The following NOL11 variants were observed in gnomAD, a reference collection of about 807,000 sequenced individuals.
NOL11 encodes the protein nucleolar protein 11.
In NOL11, 42 loss-of-function variants were observed where a neutral mutation model predicts 93.0. The observed-to-expected ratio is 0.45, with a 90% CI of 0.35 to 0.58. The LOEUF (loss-of-function observed/expected upper bound fraction) is 0.58. NOL11 is among the 20% of genes least tolerant of loss of function. NOL11 has a pLI of 0.00. For synonymous variants in NOL11, 296 were observed against 293.7 expected (o/e 1.01, Z -0.08); for missense variants, 775 against 841.8 (o/e 0.92, Z 0.98).
chr17:67,737,207 A>G (rs905483282), intron 11 of NOL11, 62 bp downstream of exon 11: 2 of 976,496 alleles, frequency 2.0e-6, no homozygotes, highest in Non-Finnish European at 3.3e-6. Flanking sequence ...AATCGCATCT[A>G]CTCTTCGTTC....
In NOL11 at chr17:67,717,965, A is replaced by T. The variant is rs201563517; in HGVS notation, c.18A>T (p.Glu6Asp). The change falls in exon 1 of 18, where the codon GAA (glutamate) becomes GAT (aspartate). Residue 6 changes from glutamate (E) to aspartate (D), a missense_variant. Physicochemically the swap from Glu to Asp is conservative, Grantham distance 45. This residue lies in a region of NOL11 where 359 missense variants were observed against 316.5 expected (regional missense o/e 1.13). Coordinates refer to ENST00000253247, the MANE Select transcript of NOL11 (RefSeq NM_015462.5). MAALE[E>D]EFTLSSVVLS... is the part of the protein sequence containing the mutation. ...TGCTCAAAATGGCAGCGCTGGAGGA[A>T]GAATTCACGTTGTCTTCGGTAGTCC... The T allele has an allele frequency of 3.9e-5, 63 of 1,614,176 alleles. 2 individuals carry two copies. In the South Asian group the frequency reaches 6.3e-4, roughly 16 times the overall value.
intron 6 of NOL11, among the ~76,000 whole-genome samples, 163 bp downstream of exon 6, chr17:67,724,356 CAG>C (rs2055067685): frequency 1.6e-5 from 2 of 128,254 alleles, no homozygotes; most frequent in African/African-American, 3.0e-5. Context: ...TTTTTTGAGA[CAG>C]AGTCTCGCTC....
chr17:67,729,054 G>A (rs1175886602), intron 7 of NOL11, among the ~76,000 whole-genome samples: 1 of 151,262 alleles, frequency 6.6e-6, no homozygotes, highest in Non-Finnish European at 1.5e-5. Context: ...GGAGTCACTG[G>A]TGTTCGTTGT....
At position 67,743,772 on chromosome 17, in the gene NOL11, T is replaced by G. The variant is rs1288744246; in HGVS notation, c.2073T>G (p.Ile691Met). ...QISVYSELNK[I>M]EVSFRELQKL... Reference sequence around the variant, plus strand: ...CTGTTTATTCTGAGCTCAACAAGATTGAAGTAAGTTTTCGGGAGCTACAGA... The same window carrying G: ...CTGTTTATTCTGAGCTCAACAAGATGGAAGTAAGTTTTCGGGAGCTACAGA... The change falls in exon 18 of 18, where the codon ATT becomes ATG. Residue 691 changes from isoleucine to methionine, a missense_variant. By Grantham distance (10) the Ile-to-Met change is conservative. Around this residue, in one of 2 missense-constraint regions of NOL11, gnomAD observed 416 missense variants for 525.2 expected, o/e 0.79. Coordinates refer to ENST00000253247, the MANE Select transcript of NOL11 (RefSeq NM_015462.5). The G allele has an allele frequency of 3.2e-6, 5 of 1,543,264 alleles. No homozygotes were observed. The Admixed American group carries it at 7.0e-5, about 21-fold the overall frequency.
At position 67,735,860 on chromosome 17, in the gene NOL11, G is replaced by T. The variant is rs755505703; in HGVS notation, c.931-40G>T. ...CTTTATTGAGTCATACCTTAGAAGA[G>T]AAAAAAATTTGCTTATGTTTTTGAT... On this transcript the variant is annotated intron_variant, in intron 8 of 17. Coordinates refer to ENST00000253247, the MANE Select transcript of NOL11 (RefSeq NM_015462.5). 7 of 1,573,260 alleles carry T rather than the reference G, an allele frequency of 4.4e-6. No homozygotes were observed. In the South Asian group the frequency reaches 6.9e-5, roughly 15 times the overall value.
At position 67,744,437 on chromosome 17, in the gene NOL11, T is replaced by A. The variant is rs2143154599; in HGVS notation, c.*578T>A. The A allele has an allele frequency of 6.6e-6, 1 of 152,376 alleles. No homozygotes were observed. Among genetic ancestry groups the A allele is most frequent in the South Asian group, 2.1e-4 (1 of 4,834 alleles). The allele number at this position is 152,376 out of a possible 1,614,324, so 9.4% of individuals were successfully genotyped here. On this transcript the variant is annotated 3_prime_UTR_variant, in exon 18 of 18. Coordinates refer to ENST00000253247, the MANE Select transcript of NOL11 (RefSeq NM_015462.5). ...TACAGAAAGAATCCTGATGGCTGAA[T>A]TTACCTTGCAGTAGTGAAAAGCTGC...
Position 67,743,885 on chromosome 17 carries a change from T to A in NOL11, c.*26T>A. On this transcript the variant is annotated 3_prime_UTR_variant, in exon 18 of 18. Coordinates refer to ENST00000253247, the MANE Select transcript of NOL11 (RefSeq NM_015462.5). ...TATTATCAATTCTCCTTCATAGACATTTTATAAAGCTCTTTTATGTGAACT... is the reference window on the plus strand; with the variant it reads ...TATTATCAATTCTCCTTCATAGACAATTTATAAAGCTCTTTTATGTGAACT... 1 of 1,143,706 alleles carries A rather than the reference T, an allele frequency of 8.7e-7. No homozygotes were observed. 70.8% of individuals were successfully genotyped at this position (1,143,706 alleles called of 1,614,324 possible). A position where few individuals can be genotyped will look rare whatever the true frequency, so the allele number is the denominator to read the frequency against.
intron 12 of NOL11, 70 bp from the exon 13 acceptor site, chr17:67,737,777 A>G (rs2055216290): frequency 6.3e-7 from 1 of 1,580,072 alleles, no homozygotes; most frequent in Admixed American, 1.9e-5. Flanking sequence ...AACTCTCAAA[A>G]GGCTTATAAA....
At chr17:67,719,137 G>T (rs892400218) in intron 1 of NOL11, 2 of 152,080 alleles carry the variant, frequency 1.3e-5, no homozygotes, top group African/African-American at 4.8e-5. Flanking sequence ...GGTGGTTCAC[G>T]CCTGTAATCC....
intron 14 of NOL11, chr17:67,738,642 G>A (rs973248951): frequency 2.8e-5 from 13 of 460,932 alleles, no homozygotes; most frequent in Non-Finnish European, 4.9e-5. Flanking sequence ...GACCAGCCTG[G>A]GCAACATGGC....
intron 7 of NOL11, among the ~76,000 whole-genome samples, chr17:67,729,716 A>T (rs1490195206): frequency 2.6e-5 from 4 of 151,310 alleles, no homozygotes; most frequent in Non-Finnish European, 5.9e-5. Context: ...GTAGCTGGGA[A>T]TACAGGCGCC....
At chr17:67,728,139 A>G (rs1322780141) in intron 7 of NOL11, among the ~76,000 whole-genome samples, 4 of 152,106 alleles carry the variant, frequency 2.6e-5, no homozygotes, top group Non-Finnish European at 5.9e-5. Context: ...GGGCACCTGC[A>G]GTCCCAGCTA....
At chr17:67,731,046 C>T (rs957877136) in intron 7 of NOL11, among the ~76,000 whole-genome samples, 6 of 152,172 alleles carry the variant, frequency 3.9e-5, no homozygotes, top group Non-Finnish European at 5.9e-5. Flanking sequence ...TTTTCATATG[C>T]TCATTGTCTA....
chr17:67,722,518 A>C, intron 4 of NOL11, 62 bp from the exon 5 acceptor site: 1 of 1,528,978 alleles, frequency 6.5e-7, no homozygotes, highest in Non-Finnish European at 8.7e-7. Context: ...ATTTTGATTG[A>C]TATGTGTCTC....
At chr17:67,739,424 ATTGAACAT>A (rs757175098) in intron 15 of NOL11, 84 bp from the exon 16 acceptor site, 2 of 724,906 alleles carry the variant, frequency 2.8e-6, no homozygotes, top group Non-Finnish European at 4.6e-6. Context: ...TGATGTATAA[ATTGAACAT>A]TTTTTTCAAT....
At chr17:67,740,448 A>G (rs942708585) in intron 16 of NOL11, among the ~76,000 whole-genome samples, 2 of 151,812 alleles carry the variant, frequency 1.3e-5, no homozygotes, top group African/African-American at 4.8e-5. Flanking sequence ...CGTCTCTACT[A>G]AAAATACAAA....
chr17:67,735,866 A>C (rs1424136283), intron 8 of NOL11, 34 bp from the exon 9 acceptor site: 1 of 1,586,604 alleles, frequency 6.3e-7, no homozygotes, highest in African/African-American at 1.4e-5. Context: ...AAGAGAAAAA[A>C]ATTTGCTTAT....
At chr17:67,719,832 A>G (rs760569495) in intron 2 of NOL11, 45 bp downstream of exon 2, 5 of 1,470,110 alleles carry the variant, frequency 3.4e-6, no homozygotes, top group Non-Finnish European at 4.6e-6. Context: ...ATAAATGTTG[A>G]TTATTAACTA....
chr17:67,721,706 CAT>C (rs1366107519), intron 4 of NOL11, among the ~76,000 whole-genome samples, 180 bp downstream of exon 4: 1 of 152,108 alleles, frequency 6.6e-6, no homozygotes, highest in Non-Finnish European at 1.5e-5. Context: ...TTGAAGAAAC[CAT>C]AGAGTCATAT....
Sources: gnomAD v4.1 joint callset for allele counts (sites outside exome capture counted in the v4.1 genomes callset) on GRCh38, gnomAD v4.1.1 for gene constraint, gnomAD v4.1.1 regional missense constraint, MANE v1.5 for transcripts, NCBI Gene and HGNC (gene_info 2026-07-23, HGNC 2026-07-21) for gene names.